CCDC63: variants seen among roughly 807,000 people sequenced by gnomAD.
CCDC63 encodes coiled-coil domain-containing protein 63.
Under a neutral mutation model 63.6 loss-of-function variants are expected in CCDC63, and 54 were observed. That is an observed-to-expected ratio of 0.85 (90% CI 0.68 to 1.07). The LOEUF is 1.07. Among genes scored for constraint, CCDC63 ranks in the 50% least tolerant of loss-of-function variants. CCDC63 has a pLI of 0.00. For synonymous variants in CCDC63, 253 were observed against 266.1 expected (o/e 0.95, Z 0.48); for missense variants, 637 against 689.6 (o/e 0.92, Z 0.86).
rs182408717 is a variant in CCDC63, at chr12:110,871,439, C to G, written c.370-2403C>G. On this transcript the variant is annotated intron_variant, in intron 4 of 11. Transcript: ENST00000308208. ...TACAGGCGTGAGCCACTGCGCCCAG[C>G]CAGGACAGTGGTTCTTAAACTTATC... is the stretch of plus-strand genomic sequence containing the variant. Among the ~76,000 whole-genome samples the G allele has an allele frequency of 5.2e-3, 798 of 152,284 alleles. 5 individuals are homozygous for G. Among genetic ancestry groups the G allele is most frequent in the African/African-American group, 0.019 (772 of 41,550 alleles).
At chr12:110,852,481 C>T (rs528677045) in intron 1 of CCDC63, among the ~76,000 whole-genome samples, 116 of 152,108 alleles carry the variant, frequency 7.6e-4, no homozygotes, top group African/African-American at 2.7e-3. Context: ...AGGCTGGTAT[C>T]GAACTCCTGA....
chr12:110,899,475 T>C (rs527703991), intron 10 of CCDC63, among the ~76,000 whole-genome samples: 1 of 152,122 alleles, frequency 6.6e-6, no homozygotes, highest in East Asian at 1.9e-4. Context: ...TGCACCACCA[T>C]ACACGGCTGA....
chr12:110,873,548 A>AG (rs2071092509), intron 4 of CCDC63, among the ~76,000 whole-genome samples: 1 of 152,250 alleles, frequency 6.6e-6, no homozygotes, highest in Admixed American at 6.5e-5. Flanking sequence ...TAAATGTCAC[A>AG]GGTGAGTGAC....
At chr12:110,874,420 A>G (rs1372388304) in intron 5 of CCDC63, among the ~76,000 whole-genome samples, 1 of 152,220 alleles carries the variant, frequency 6.6e-6, no homozygotes, top group Non-Finnish European at 1.5e-5. Context: ...TCCTCAATCT[A>G]CAGTGACTTT....
chr12:110,879,166 A>G (rs2071168448), intron 5 of CCDC63, among the ~76,000 whole-genome samples: 1 of 152,238 alleles, frequency 6.6e-6, no homozygotes, highest in Non-Finnish European at 1.5e-5. Context: ...ATAATATTAC[A>G]CAATACCTAG....
intron 7 of CCDC63, 99 bp from the exon 8 acceptor site, chr12:110,883,931 T>G: frequency 1.1e-6 from 1 of 951,776 alleles, no homozygotes. Flanking sequence ...TGAGTCACCA[T>G]GCCTGGCCAC....
At chr12:110,884,282 G>A (rs1353779943) in intron 8 of CCDC63, 32 bp downstream of exon 8, 1 of 1,571,506 alleles carries the variant, frequency 6.4e-7, no homozygotes, top group East Asian at 2.2e-5. Flanking sequence ...CAGGCCCTGG[G>A]CCCCTGTGTC....
intron 9 of CCDC63, among the ~76,000 whole-genome samples, chr12:110,894,922 CTTTG>C (rs2136729821): frequency 6.6e-6 from 1 of 152,224 alleles, no homozygotes; most frequent in Admixed American, 6.5e-5. Context: ...TTGTTTGTTT[CTTTG>C]TTTGTTTAGA....
At chr12:110,857,423 C>G (rs1373701889) in intron 3 of CCDC63, among the ~76,000 whole-genome samples, 3 of 152,166 alleles carry the variant, frequency 2.0e-5, no homozygotes, top group South Asian at 4.1e-4. Flanking sequence ...CTGCGCCGGG[C>G]CTGTAGAACA....
chr12:110,874,368 T>C (rs940952695), intron 5 of CCDC63, among the ~76,000 whole-genome samples: 3 of 152,178 alleles, frequency 2.0e-5, no homozygotes, highest in Non-Finnish European at 4.4e-5. Flanking sequence ...TGAGTAGGCA[T>C]AGATATGCAT....
At chr12:110,899,409 A>G (rs545109568) in intron 10 of CCDC63, among the ~76,000 whole-genome samples, 1 of 152,198 alleles carries the variant, frequency 6.6e-6, no homozygotes, top group South Asian at 2.1e-4. Flanking sequence ...ATCTCAACCT[A>G]CTGGGCTCAG....
intron 4 of CCDC63, among the ~76,000 whole-genome samples, chr12:110,869,986 G>C (rs747452113): frequency 1.3e-5 from 2 of 152,098 alleles, no homozygotes; most frequent in Non-Finnish European, 2.9e-5. Context: ...CCTTCACCCG[G>C]TTCCCCCAAT....
chr12:110,848,729 C>G (rs892909734), intron 1 of CCDC63, among the ~76,000 whole-genome samples: 14 of 152,152 alleles, frequency 9.2e-5, no homozygotes, highest in African/African-American at 3.1e-4. Context: ...GTGGGTATCC[C>G]CATTCTACAG....
intron 7 of CCDC63, among the ~76,000 whole-genome samples, chr12:110,882,321 G>A (rs1398369252): frequency 1.3e-5 from 2 of 152,004 alleles, no homozygotes; most frequent in African/African-American, 4.8e-5. Flanking sequence ...AGACTGGCCT[G>A]GGCAAATGAG....
chr12:110,883,965 C>A, intron 7 of CCDC63, 65 bp from the exon 8 acceptor site: 1 of 1,245,492 alleles, frequency 8.0e-7, no homozygotes, highest in Non-Finnish European at 1.2e-6. Context: ...ACGTTACTGT[C>A]TGCCTGGCAC....
intron 10 of CCDC63, 59 bp from the exon 11 acceptor site, chr12:110,904,529 C>G (rs914455859): frequency 6.8e-7 from 1 of 1,461,984 alleles, no homozygotes; most frequent in African/African-American, 1.4e-5. Flanking sequence ...GCACCACCCA[C>G]AGTGCCCCCA....
At chr12:110,906,035 TA>T (rs1426145681) in intron 11 of CCDC63, among the ~76,000 whole-genome samples, 1 of 31,684 alleles carries the variant, frequency 3.2e-5, no homozygotes, top group Non-Finnish European at 5.9e-5. Context: ...TATATTATAA[TA>T]ATATAATATA....
chr12:110,867,088 T>C, intron 4 of CCDC63, among the ~76,000 whole-genome samples: 1 of 129,254 alleles, frequency 7.7e-6, no homozygotes, highest in Non-Finnish European at 1.6e-5. Flanking sequence ...GAGGCACCCC[T>C]CACCTCCCAG....
Position 110,857,282 on chromosome 12 carries a change from C to T in CCDC63, c.180-1304C>T, listed in dbSNP as rs747822605. Among the ~76,000 whole-genome samples, 13 of 151,838 alleles carry T rather than the reference C, an allele frequency of 8.6e-5. No individual in the cohort carries two copies. The East Asian group carries it at 9.7e-4, about 11-fold the overall frequency. On this transcript the variant is annotated intron_variant, in intron 3 of 11. Coordinates refer to ENST00000308208, the MANE Select transcript of CCDC63 (RefSeq NM_152591.3). ...CTAGGATTACAGGCGCCCACCACCCCCCCCGGCTAATTTTTTGTATTTTTA... is the reference window on the plus strand; with the variant it reads ...CTAGGATTACAGGCGCCCACCACCCTCCCCGGCTAATTTTTTGTATTTTTA...
Sources: gnomAD v4.1 joint callset for allele counts (sites outside exome capture counted in the v4.1 genomes callset) on GRCh38, gnomAD v4.1.1 for gene constraint, MANE v1.5 for transcripts, NCBI Gene and HGNC (gene_info 2026-07-23, HGNC 2026-07-21) for gene names.